PRKD1: variants seen among roughly 807,000 people sequenced by gnomAD.
The protein encoded by PRKD1 is serine/threonine-protein kinase D1.
PRKD1 carries 63 observed loss-of-function variants against 95.9 expected under a neutral mutation model. The observed-to-expected ratio is 0.66, with a 90% CI of 0.54 to 0.81. The LOEUF (loss-of-function observed/expected upper bound fraction) is 0.81. PRKD1 is among the 30% of genes least tolerant of loss of function. The probability of loss-of-function intolerance (pLI) is 0.00; values close to 1 mark genes in which losing one functional copy is unlikely to be tolerated. For missense variants in PRKD1, 1,048 were observed against 1,165.3 expected, an observed-to-expected ratio of 0.90 and a Z score of 1.47; for synonymous variants, 425 against 423.1, an observed-to-expected ratio of 1.00 and a Z score of -0.05.
At chr14:29,669,794 G>A (rs1011728664) in intron 2 of PRKD1, among the ~76,000 whole-genome samples, 4 of 152,134 alleles carry the variant, frequency 2.6e-5, no homozygotes, top group Admixed American at 6.5e-5. Context: ...TTTGAACCTG[G>A]GAGGCAGAGG....
intron 1 of PRKD1, among the ~76,000 whole-genome samples, chr14:29,861,980 A>T (rs1892727423): frequency 6.6e-6 from 1 of 151,890 alleles, no homozygotes; most frequent in Admixed American, 6.6e-5. Context: ...CATTCATTCT[A>T]ACTATTCTTT....
intron 6 of PRKD1, among the ~76,000 whole-genome samples, 196 bp from the exon 7 acceptor site, chr14:29,636,690 G>T (rs1880405953): frequency 6.6e-6 from 1 of 152,096 alleles, no homozygotes; most frequent in African/African-American, 2.4e-5. Flanking sequence ...GTAAACTTGT[G>T]TCATGGGGGT....
intron 1 of PRKD1, among the ~76,000 whole-genome samples, chr14:29,731,562 T>C (rs1461102586): frequency 1.3e-5 from 2 of 152,194 alleles, no homozygotes; most frequent in Non-Finnish European, 2.9e-5. Context: ...TGTGGATTTT[T>C]TTCTCTTTTT....
chr14:29,796,671 A>T (rs1414380512), intron 1 of PRKD1, among the ~76,000 whole-genome samples: 1 of 152,162 alleles, frequency 6.6e-6, no homozygotes, highest in Non-Finnish European at 1.5e-5. Flanking sequence ...ACATGTCTCT[A>T]ATGCTCTGGA....
intron 13 of PRKD1, among the ~76,000 whole-genome samples, chr14:29,612,676 AATAG>A (rs1408908598): frequency 2.0e-5 from 3 of 152,086 alleles, no homozygotes; most frequent in Admixed American, 6.6e-5. Context: ...TTTTTCTTAT[AATAG>A]ATAGTTGTTT....
At chr14:29,733,547 G>A (rs1338418564) in intron 1 of PRKD1, among the ~76,000 whole-genome samples, 2 of 152,132 alleles carry the variant, frequency 1.3e-5, no homozygotes, top group East Asian at 3.9e-4. Context: ...CATGGCTTGG[G>A]AGGCCTCAGG....
intron 1 of PRKD1, among the ~76,000 whole-genome samples, chr14:29,869,924 T>A (rs2225675): frequency 0.29 from 43,983 of 152,014 alleles, 6,490 homozygotes; most frequent in East Asian, 0.35. Flanking sequence ...GGTGGGTATC[T>A]TCTTCTCAAA....
In PRKD1 at chr14:29,739,395, T is replaced by G. The variant is rs543713628; in HGVS notation, c.265-13721A>C. On this transcript the variant is annotated intron_variant, in intron 1 of 17. Transcript: ENST00000331968. ...TTTTTTTAGCCACTCTCCTTTCTATTGAGTTCAAAATCTGATTGTTTAAAA... is the reference window on the plus strand; with the variant it reads ...TTTTTTTAGCCACTCTCCTTTCTATGGAGTTCAAAATCTGATTGTTTAAAA... 5.3e-5 allele frequency among the ~76,000 whole-genome samples: 8 copies of G among 152,302 alleles called. No homozygotes were observed. In the East Asian group the frequency reaches 1.2e-3, roughly 22 times the overall value.
At chr14:29,717,603 A>T (rs1885679040) in intron 2 of PRKD1, among the ~76,000 whole-genome samples, 1 of 152,198 alleles carries the variant, frequency 6.6e-6, no homozygotes, top group South Asian at 2.1e-4. Context: ...AGTGCATAAC[A>T]TATCATAAAT....
intron 2 of PRKD1, among the ~76,000 whole-genome samples, chr14:29,674,444 G>C (rs1486801719): frequency 6.6e-6 from 1 of 152,170 alleles, no homozygotes. Context: ...ACCATATCCT[G>C]ATGTGACTGA....
chr14:29,798,828 C>CA (rs941367389), intron 1 of PRKD1, among the ~76,000 whole-genome samples: 8 of 152,116 alleles, frequency 5.3e-5, no homozygotes, highest in Non-Finnish European at 8.8e-5. Context: ...TCTTGATTCA[C>CA]AAAAAAATTC....
intron 1 of PRKD1, among the ~76,000 whole-genome samples, chr14:29,728,702 C>T (rs1886290596): frequency 6.6e-6 from 1 of 151,938 alleles, no homozygotes; most frequent in South Asian, 2.1e-4. Context: ...TCTTTTTTTC[C>T]AGTTTGCAGC....
intron 1 of PRKD1, among the ~76,000 whole-genome samples, chr14:29,902,601 G>T (rs752749633): frequency 1.9e-4 from 29 of 152,124 alleles, no homozygotes; most frequent in Non-Finnish European, 3.2e-4. Flanking sequence ...ATATTATTCT[G>T]AAAGTGCTCA....
At position 29,779,464 on chromosome 14, in the gene PRKD1, A is replaced by T. The variant is rs552570255; in HGVS notation, c.265-53790T>A. On this transcript the variant is annotated intron_variant, in intron 1 of 17. Coordinates refer to ENST00000331968, the MANE Select transcript of PRKD1 (RefSeq NM_002742.3). ...TCTCAGGATACAAAATCAATGTGCA[A>T]AAATCACAAGCATTCCTATACACCA... 1.4e-4 allele frequency among the ~76,000 whole-genome samples: 22 copies of T among 152,298 alleles called. 1 individual carries two copies. Among genetic ancestry groups the T allele is most frequent in the Middle Eastern group, 6.8e-3 (2 of 294 alleles).
chr14:29,716,151 A>G (rs928616901), intron 2 of PRKD1, among the ~76,000 whole-genome samples: 7 of 152,118 alleles, frequency 4.6e-5, no homozygotes, highest in Admixed American at 1.3e-4. Flanking sequence ...TCCTGTTTTC[A>G]TGGGTGACAG....
Position 29,843,653 on chromosome 14 carries a change from G to C in PRKD1, c.264+83596C>G, listed in dbSNP as rs78078801. ...CATTTATTGAGCATCTATACTATGT[G>C]CCAGGTACTATTCTATGAACTTGAC... On this transcript the variant is annotated intron_variant, in intron 1 of 17. Coordinates refer to ENST00000331968, the MANE Select transcript of PRKD1 (RefSeq NM_002742.3). 1.9e-3 allele frequency among the ~76,000 whole-genome samples: 286 copies of C among 152,266 alleles called. 8 individuals carry two copies. The highest frequency in any genetic ancestry group is 0.019 in the East Asian group (97 of 5,182).
rs149805645 is a variant in PRKD1 at position 29,782,424 on chromosome 14, T to C, written c.265-56750A>G. On this transcript the variant is annotated intron_variant, in intron 1 of 17. Transcript: ENST00000331968. ...ATACTGACTATAATTTTACATTAGA[T>C]AAGATAAATTATAACTATGAGTCTA... is the stretch of plus-strand genomic sequence containing the variant. Among the ~76,000 whole-genome samples, 69 of 152,354 alleles carry C rather than the reference T, an allele frequency of 4.5e-4. No individual in the cohort carries two copies. The Middle Eastern group carries it at 0.017, about 38-fold the overall frequency.
At chr14:29,632,471 T>C (rs1283091831) in intron 9 of PRKD1, among the ~76,000 whole-genome samples, 1 of 152,162 alleles carries the variant, frequency 6.6e-6, no homozygotes, top group African/African-American at 2.4e-5. Flanking sequence ...TTGACAAGCA[T>C]GGAGAAATCA....
At chr14:29,819,798 GT>G (rs535779871) in intron 1 of PRKD1, among the ~76,000 whole-genome samples, 2 of 152,190 alleles carry the variant, frequency 1.3e-5, no homozygotes, top group Non-Finnish European at 2.9e-5. Flanking sequence ...TGTTCTTTGT[GT>G]TTTTATTGTT....
Sources: gnomAD v4.1 joint callset for allele counts (sites outside exome capture counted in the v4.1 genomes callset) on GRCh38, gnomAD v4.1.1 for gene constraint, MANE v1.5 for transcripts, NCBI Gene and HGNC (gene_info 2026-07-23, HGNC 2026-07-21) for gene names.